Variants in SLC24A2 observed in about 807,000 individuals in gnomAD.
SLC24A2 encodes the protein sodium/potassium/calcium exchanger 2.
In SLC24A2, 36 loss-of-function variants were observed where a neutral mutation model predicts 62.0. The observed-to-expected ratio is 0.58, with a 90% CI of 0.44 to 0.77. SLC24A2 has a LOEUF of 0.77. Among genes scored for constraint, SLC24A2 ranks in the 30% least tolerant of loss-of-function variants. The pLI is 0.00. For synonymous variants in SLC24A2, 358 were observed against 294.0 expected (o/e 1.22, Z -2.23); for missense variants, 846 against 817.9 (o/e 1.03, Z -0.42).
the SLC24A2 span, among the ~76,000 whole-genome samples, chr9:20,170,247 C>A: frequency 6.6e-6 from 1 of 151,526 alleles, no homozygotes; most frequent in African/African-American, 2.4e-5. Flanking sequence ...GGAATAAATG[C>A]TTGGTGCCAC....
the SLC24A2 span, among the ~76,000 whole-genome samples, chr9:19,919,160 G>C: frequency 6.6e-6 from 1 of 152,194 alleles, no homozygotes; most frequent in African/African-American, 2.4e-5. Flanking sequence ...CTTCCGAGGA[G>C]AGTTAGAAGA....
chr9:19,873,889 T>G, the SLC24A2 span, among the ~76,000 whole-genome samples: 1 of 152,074 alleles, frequency 6.6e-6, no homozygotes, highest in African/African-American at 2.4e-5. Context: ...AAATCCCAGT[T>G]TCTAAAAACA....
the SLC24A2 span, among the ~76,000 whole-genome samples, chr9:20,160,795 A>C: frequency 2.6e-5 from 4 of 151,142 alleles, no homozygotes; most frequent in Non-Finnish European, 5.9e-5. Context: ...AAACATCTTG[A>C]ATAATACAAA....
At chr9:20,161,795 AC>A in the SLC24A2 span, among the ~76,000 whole-genome samples, 1 of 149,296 alleles carries the variant, frequency 6.7e-6, no homozygotes, top group Non-Finnish European at 1.5e-5. Context: ...CAAACATCAT[AC>A]CACACACATA....
chr9:20,061,635 G>T, the SLC24A2 span, among the ~76,000 whole-genome samples: 1 of 152,152 alleles, frequency 6.6e-6, no homozygotes, highest in African/African-American at 2.4e-5. Flanking sequence ...ATGAGGAAAG[G>T]ATAGTCTTTT....
chr9:19,991,057 CA>C, the SLC24A2 span, among the ~76,000 whole-genome samples: 3 of 150,530 alleles, frequency 2.0e-5, no homozygotes, highest in Non-Finnish European at 4.4e-5. Flanking sequence ...TACATACATA[CA>C]TACATACATA....
intron 10 of SLC24A2, among the ~76,000 whole-genome samples, chr9:19,520,348 T>C (rs920619275): frequency 5.3e-5 from 8 of 152,240 alleles, no homozygotes; most frequent in African/African-American, 9.6e-5. Flanking sequence ...TGAGAGCTCA[T>C]GTTTGCTTCA....
At chr9:20,017,321 C>A in the SLC24A2 span, among the ~76,000 whole-genome samples, 1 of 152,094 alleles carries the variant, frequency 6.6e-6, no homozygotes, top group Non-Finnish European at 1.5e-5. Flanking sequence ...CCACGCCTGG[C>A]CCCAAAATAA....
chr9:19,916,580 A>G, the SLC24A2 span, among the ~76,000 whole-genome samples: 1 of 151,938 alleles, frequency 6.6e-6, no homozygotes, highest in Non-Finnish European at 1.5e-5. Flanking sequence ...AATAATACAC[A>G]TTTTCATATT....
the SLC24A2 span, among the ~76,000 whole-genome samples, chr9:20,103,367 G>C: frequency 1.3e-5 from 2 of 152,214 alleles, no homozygotes; most frequent in South Asian, 2.1e-4. Flanking sequence ...CATGCAGCTG[G>C]AGATCTGAGA....
the SLC24A2 span, among the ~76,000 whole-genome samples, chr9:20,286,179 C>T: frequency 6.6e-6 from 1 of 152,168 alleles, no homozygotes; most frequent in Non-Finnish European, 1.5e-5. Context: ...GGTGGGTGCG[C>T]ATATCTTTGT....
chr9:20,185,202 C>T, the SLC24A2 span, among the ~76,000 whole-genome samples: 16 of 152,074 alleles, frequency 1.1e-4, no homozygotes, highest in Admixed American at 6.5e-5. Flanking sequence ...AACCGTGTAT[C>T]GTATTCTTAA....
At chr9:20,055,904 T>A in the SLC24A2 span, among the ~76,000 whole-genome samples, 1 of 151,832 alleles carries the variant, frequency 6.6e-6, no homozygotes, top group African/African-American at 2.4e-5. Context: ...TATAAAAAAA[T>A]TATAAAAAAA....
At chr9:20,059,105 G>T in the SLC24A2 span, among the ~76,000 whole-genome samples, 1 of 152,168 alleles carries the variant, frequency 6.6e-6, no homozygotes, top group Non-Finnish European at 1.5e-5. Flanking sequence ...CCTGGAATTT[G>T]TAAATATCTT....
the SLC24A2 span, among the ~76,000 whole-genome samples, chr9:20,120,348 A>C: frequency 6.6e-6 from 1 of 152,180 alleles, no homozygotes; most frequent in African/African-American, 2.4e-5. Flanking sequence ...AATGTGGTAC[A>C]TGTACACCAT....
chr9:20,229,018 G>C, the SLC24A2 span, among the ~76,000 whole-genome samples: 1 of 152,108 alleles, frequency 6.6e-6, no homozygotes, highest in Non-Finnish European at 1.5e-5. Context: ...GAGGCTGGGA[G>C]CTGGGTGTGA....
At chr9:20,036,688 A>G in the SLC24A2 span, among the ~76,000 whole-genome samples, 1 of 152,226 alleles carries the variant, frequency 6.6e-6, no homozygotes, top group Non-Finnish European at 1.5e-5. Flanking sequence ...AAGGCTGAAT[A>G]GAATTCCATT....
At chr9:20,189,544 C>T in the SLC24A2 span, among the ~76,000 whole-genome samples, 3 of 152,142 alleles carry the variant, frequency 2.0e-5, no homozygotes, top group African/African-American at 4.8e-5. Context: ...TCAGATCTGT[C>T]TAGACCATGA....
the SLC24A2 span, among the ~76,000 whole-genome samples, chr9:19,941,660 T>G: frequency 1.3e-5 from 2 of 151,940 alleles, no homozygotes. Flanking sequence ...TAAACACATG[T>G]GGGCTAAAAT....
Sources: gnomAD v4.1 joint callset for allele counts (sites outside exome capture counted in the v4.1 genomes callset) on GRCh38, gnomAD v4.1.1 for gene constraint, MANE v1.5 for transcripts, NCBI Gene and HGNC (gene_info 2026-07-23, HGNC 2026-07-21) for gene names.